The following SCFD2 variants were observed in gnomAD, a reference collection of about 807,000 sequenced individuals.
SCFD2 encodes sec1 family domain-containing protein 2.
Under a neutral mutation model 58.9 loss-of-function variants are expected in SCFD2, and 54 were observed. The ratio of observed to expected loss-of-function variants is 0.92; its 90% confidence interval spans 0.74 to 1.15. SCFD2 has a LOEUF of 1.15. Ranked by LOEUF, SCFD2 falls within the 50% of genes most tolerant of loss-of-function variation. The probability of loss-of-function intolerance (pLI) is 0.00; values close to 1 mark genes in which losing one functional copy is unlikely to be tolerated. For missense variants in SCFD2, 805 were observed against 836.6 expected (o/e 0.96, Z 0.47); for synonymous variants, 321 against 335.9 (o/e 0.96, Z 0.49).
rs1287049451 is a variant in SCFD2 at position 53,073,642 on chromosome 4, G to A, written c.1561+71691C>T. 2.0e-5 allele frequency among the ~76,000 whole-genome samples: 3 copies of A among 152,074 alleles called. No homozygotes were observed. The East Asian group carries it at 5.8e-4, about 29-fold the overall frequency. On this transcript the variant is annotated intron_variant, in intron 5 of 8. Transcript: ENST00000401642. ...CCAAAAGATCTGCAGACATGAGTGG[G>A]CATAATGACGTACAGACATACTTCA...
chr4:53,330,204 C>A (rs921495684), intron 2 of SCFD2, among the ~76,000 whole-genome samples: 1 of 152,104 alleles, frequency 6.6e-6, no homozygotes, highest in Non-Finnish European at 1.5e-5. Context: ...TCCCCAATCT[C>A]GCAAGGCAAG....
intron 5 of SCFD2, among the ~76,000 whole-genome samples, chr4:52,952,269 C>G (rs1720615420): frequency 6.7e-6 from 1 of 149,454 alleles, no homozygotes; most frequent in Non-Finnish European, 1.5e-5. Context: ...ACCCCCATCC[C>G]CTCTCACACC....
At position 53,201,012 on chromosome 4, in the gene SCFD2, TAA is replaced by T. The variant is rs1385147461; in HGVS notation, c.1312-55432_1312-55431del. Among the ~76,000 whole-genome samples the T allele has an allele frequency of 1.9e-4, 29 of 151,986 alleles. 1 individual carries two copies. The highest frequency in any genetic ancestry group is 3.4e-3 in the Middle Eastern group (1 of 294). On this transcript the variant is annotated intron_variant, in intron 4 of 8. Transcript: ENST00000401642. ...ATATTAATTTTATTTTAATTTAATTTAATTTTTTAAAAAATTTTATTATTATT... is the reference window on the plus strand; with the variant it reads ...ATATTAATTTTATTTTAATTTAATTTTTTTTTAAAAAATTTTATTATTATT...
chr4:53,131,186 G>A (rs1366385814), intron 5 of SCFD2, among the ~76,000 whole-genome samples: 1 of 152,024 alleles, frequency 6.6e-6, no homozygotes, highest in African/African-American at 2.4e-5. Flanking sequence ...ACAAATTTTT[G>A]ACAATGAGAA....
chr4:52,961,315 T>G (rs948885629), intron 5 of SCFD2, among the ~76,000 whole-genome samples: 1 of 152,148 alleles, frequency 6.6e-6, no homozygotes. Flanking sequence ...CCGAAGCTAC[T>G]GGCGGCCATT....
At chr4:52,961,028 G>A (rs538990185) in intron 5 of SCFD2, among the ~76,000 whole-genome samples, 26 of 152,148 alleles carry the variant, frequency 1.7e-4, no homozygotes, top group Non-Finnish European at 3.8e-4. Flanking sequence ...AGGCTGAGGA[G>A]GGTTGGCAGA....
chr4:53,251,903 G>T (rs1407598016), intron 4 of SCFD2, among the ~76,000 whole-genome samples: 3 of 151,178 alleles, frequency 2.0e-5, no homozygotes, highest in Non-Finnish European at 3.0e-5. Flanking sequence ...GCAGGAGAAG[G>T]AAATAAAGGG....
intron 5 of SCFD2, among the ~76,000 whole-genome samples, chr4:53,039,604 T>TC (rs1722845229): frequency 6.6e-6 from 1 of 152,214 alleles, no homozygotes; most frequent in African/African-American, 2.4e-5. Context: ...AGTTTAGGCA[T>TC]ATCTTTTGCA....
intron 5 of SCFD2, among the ~76,000 whole-genome samples, chr4:52,925,644 G>A (rs1232388004): frequency 6.6e-6 from 1 of 152,122 alleles, no homozygotes; most frequent in African/African-American, 2.4e-5. Context: ...GTTCCATTAA[G>A]CCAGCTTATG....
At chr4:53,036,683 G>A (rs1560308959) in intron 5 of SCFD2, among the ~76,000 whole-genome samples, 2 of 151,910 alleles carry the variant, frequency 1.3e-5, no homozygotes, top group Non-Finnish European at 2.9e-5. Context: ...TCACACGCCG[G>A]GGCCTGTCAG....
At chr4:53,228,314 G>T (rs1729295051) in intron 4 of SCFD2, among the ~76,000 whole-genome samples, 1 of 152,014 alleles carries the variant, frequency 6.6e-6, no homozygotes, top group Non-Finnish European at 1.5e-5. Context: ...AAGTGATAAG[G>T]GTTTCTGGCA....
At chr4:53,053,798 A>T (rs1464473955) in intron 5 of SCFD2, among the ~76,000 whole-genome samples, 5 of 152,096 alleles carry the variant, frequency 3.3e-5, no homozygotes, top group Non-Finnish European at 5.9e-5. Context: ...TTTTCTTTTT[A>T]AAAAATTTTA....
intron 1 of SCFD2, among the ~76,000 whole-genome samples, chr4:53,356,191 A>T (rs1207533238): frequency 6.6e-6 from 1 of 152,178 alleles, no homozygotes; most frequent in Non-Finnish European, 1.5e-5. Context: ...GGGCTGCTTG[A>T]GTCTCTTCAT....
chr4:53,283,124 G>C (rs1425952653), intron 3 of SCFD2, among the ~76,000 whole-genome samples: 1 of 152,104 alleles, frequency 6.6e-6, no homozygotes, highest in African/African-American at 2.4e-5. Context: ...CCAGAGCAAG[G>C]TATAAAACAT....
chr4:53,355,588 A>G (rs897512163), intron 1 of SCFD2, among the ~76,000 whole-genome samples: 4 of 152,208 alleles, frequency 2.6e-5, no homozygotes, highest in African/African-American at 9.6e-5. Flanking sequence ...ATGATCCTAT[A>G]TAACATAAAT....
intron 7 of SCFD2, among the ~76,000 whole-genome samples, chr4:52,894,993 T>C (rs1192054504): frequency 1.3e-5 from 2 of 152,218 alleles, no homozygotes; most frequent in African/African-American, 2.4e-5. Flanking sequence ...GGCTCACTTA[T>C]TTTGAAACCA....
intron 3 of SCFD2, among the ~76,000 whole-genome samples, chr4:53,282,867 G>A (rs1463306831): frequency 6.6e-6 from 1 of 152,100 alleles, no homozygotes; most frequent in Middle Eastern, 3.2e-3. Context: ...AGCGATGGAT[G>A]AGTACTAATT....
chr4:53,315,938 G>A (rs532387992), intron 2 of SCFD2, among the ~76,000 whole-genome samples: 1 of 152,140 alleles, frequency 6.6e-6, no homozygotes, highest in South Asian at 2.1e-4. Flanking sequence ...ATCTGGGTTC[G>A]AACTCCAACC....
At chr4:53,255,524 T>TG (rs1730580001) in intron 4 of SCFD2, among the ~76,000 whole-genome samples, 1 of 152,050 alleles carries the variant, frequency 6.6e-6, no homozygotes, top group Non-Finnish European at 1.5e-5. Context: ...AGCACAGGGT[T>TG]GGGGGTAAGG....
Sources: allele counts gnomAD v4.1 joint callset (sites outside exome capture counted in the v4.1 genomes callset), GRCh38; gene constraint gnomAD v4.1.1; transcripts MANE v1.5; gene names NCBI Gene and HGNC (gene_info 2026-07-23, HGNC 2026-07-21).